EDNRB: variants seen among roughly 807,000 people sequenced by gnomAD.
EDNRB encodes Hirschsprung disease 2.
A neutral mutation model predicts 46.4 loss-of-function variants in EDNRB; 18 were observed. That is an observed-to-expected ratio of 0.39 (90% confidence interval 0.27 to 0.57). EDNRB has a LOEUF of 0.57. Among genes scored for constraint, EDNRB ranks in the 20% least tolerant of loss-of-function variants. The pLI is 0.61. For missense variants in EDNRB, 434 were observed against 537.5 expected, an observed-to-expected ratio of 0.81 and a Z score of 1.90; for synonymous variants, 213 against 204.9, an observed-to-expected ratio of 1.04 and a Z score of -0.34.
At chr13:77,902,841 C>T (rs144940534) in intron 3 of EDNRB, among the ~76,000 whole-genome samples, 159 of 152,064 alleles carry the variant, frequency 1.0e-3, no homozygotes, top group African/African-American at 3.4e-3. Flanking sequence ...GTGCTATTTT[C>T]ACTTTGTGGC....
chr13:77,972,282 A>G (rs902101146), intron 1 of EDNRB, among the ~76,000 whole-genome samples: 1 of 152,242 alleles, frequency 6.6e-6, no homozygotes, highest in Non-Finnish European at 1.5e-5. Flanking sequence ...CATGTGCACA[A>G]GCATAACAAT....
In EDNRB at chr13:77,918,085, C is replaced by T; in HGVS notation, c.483+6G>A. The T allele has an allele frequency of 6.2e-7, 1 of 1,614,082 alleles. No homozygotes were observed. The highest frequency in any genetic ancestry group is 1.3e-5 in the African/African-American group (1 of 75,038). The stretch of plus-strand genomic sequence containing the variant: ...GCCCACCATGATTTCAGCAGGCGCC[C>T]TTTACCTTGTAGACATTGATAGGGA... On this transcript the variant is annotated splice_donor_region_variant and intron_variant, in intron 1 of 6. Transcript: ENST00000646607. The surrounding 1 kb of genome is among the most constrained non-coding windows in gnomAD (Gnocchi z 4.5).
Position 77,903,534 on chromosome 13 carries a change from C to T in EDNRB, c.557G>A (p.Gly186Glu). 6.2e-7 allele frequency: 1 copy of T among 1,612,930 alleles called. No individual in the cohort carries two copies. Among genetic ancestry groups the T allele is most frequent in the Non-Finnish European group, 8.5e-7 (1 of 1,179,312 alleles). Residue 186 changes from glycine (G) to glutamate (E), a missense_variant, in exon 2 of 7, where the codon GGA (glycine) becomes GAA (glutamate). Coordinates refer to ENST00000646607, the MANE Select transcript of EDNRB (RefSeq NM_001122659.3). ...AGCACATAGACTCAGCACAGTGATTCCCACAGAGGCTTTCTGTATGAAAGG... is the reference window on the plus strand; with the variant it reads ...AGCACATAGACTCAGCACAGTGATTTCCACAGAGGCTTTCTGTATGAAAGG... ...LVPFIQKASV[G>E]ITVLSLCALS...
intron 1 of EDNRB, among the ~76,000 whole-genome samples, chr13:77,964,023 T>C (rs145543132): frequency 0.015 from 2,238 of 152,210 alleles, 46 homozygotes; most frequent in East Asian, 0.024. Context: ...TGAAAAAATG[T>C]GCCTCATCAC....
intron 1 of EDNRB, among the ~76,000 whole-genome samples, chr13:77,973,227 G>A (rs1382872057): frequency 2.0e-5 from 3 of 152,094 alleles, no homozygotes; most frequent in Non-Finnish European, 2.9e-5. Flanking sequence ...ATCAAAGAAA[G>A]CCAAATACCA....
intron 1 of EDNRB, among the ~76,000 whole-genome samples, chr13:77,937,762 G>C (rs1880610865): frequency 6.6e-6 from 1 of 152,090 alleles, no homozygotes; most frequent in Non-Finnish European, 1.5e-5. Flanking sequence ...CTGGCGATGA[G>C]GGGAGAGGTC....
Position 77,908,986 on chromosome 13 carries a change from G to A in EDNRB, c.484-5379C>T, listed in dbSNP as rs956398148. ...TCATCTAACTGAATAGCTGTTGTTA[G>A]TGTTAAGTCCTGCTGGCAATATGGT... On this transcript the variant is annotated intron_variant, in intron 1 of 6. Transcript: ENST00000646607. Among the ~76,000 whole-genome samples the A allele has an allele frequency of 7.2e-5, 11 of 152,060 alleles. No homozygotes were observed. In the East Asian group the frequency reaches 2.1e-3, roughly 30 times the overall value.
upstream of EDNRB, among the ~76,000 whole-genome samples, chr13:77,923,658 A>G (rs1363875183): frequency 6.6e-6 from 1 of 152,042 alleles, no homozygotes; most frequent in Non-Finnish European, 1.5e-5. Flanking sequence ...CCTTGTTTCC[A>G]TTCTTTTGAT....
rs1179167290 is a variant in EDNRB, at chr13:77,899,946, A to G, written c.1107T>C (p.Tyr369=). 6.2e-7 allele frequency: 1 copy of G among 1,611,864 alleles called. No homozygotes were observed. The highest frequency in any genetic ancestry group is 1.3e-5 in the African/African-American group (1 of 74,910). ...TCAGTGAAGCCATGTTGATACCAAT[A>G]TAGTCCAATACCAACAGAAAGCTGC... ...ELLSFLLVLD[Y]IGINMASLNS... is the part of the protein sequence containing the mutation. Residue 369 remains tyrosine, a synonymous_variant, in exon 6 of 7, where the codon TAT becomes TAC. Coordinates refer to ENST00000646607, the MANE Select transcript of EDNRB (RefSeq NM_001122659.3).
At chr13:77,946,398 A>G (rs1880917806) in intron 1 of EDNRB, among the ~76,000 whole-genome samples, 1 of 152,216 alleles carries the variant, frequency 6.6e-6, no homozygotes, top group Admixed American at 6.5e-5. Context: ...ATTACTTTCA[A>G]TGGTTTAGAA....
chr13:77,959,011 G>A (rs61963150), intron 1 of EDNRB, among the ~76,000 whole-genome samples: 12,542 of 152,292 alleles, frequency 0.082, 712 homozygotes, highest in Non-Finnish European at 0.12. Context: ...TTGTGGAGAT[G>A]ACAAGGAGGG....
At chr13:77,945,044 C>T (rs575462581) in intron 1 of EDNRB, among the ~76,000 whole-genome samples, 1 of 152,076 alleles carries the variant, frequency 6.6e-6, no homozygotes, top group South Asian at 2.1e-4. Context: ...GTGTAAATAC[C>T]TTAGAGTTAC....
chr13:77,914,690 C>T (rs1053475815), intron 1 of EDNRB, among the ~76,000 whole-genome samples: 1 of 152,196 alleles, frequency 6.6e-6, no homozygotes, highest in Non-Finnish European at 1.5e-5. Flanking sequence ...ATGATTCTTC[C>T]TAAAAGTTTC....
At chr13:77,925,198 G>T (rs1398298432) in intron 1 of EDNRB, among the ~76,000 whole-genome samples, 2 of 152,110 alleles carry the variant, frequency 1.3e-5, no homozygotes, top group African/African-American at 2.4e-5. Context: ...TGTCCTCAAG[G>T]TTCATCAATG....
At chr13:77,947,554 A>G (rs189073156) in intron 1 of EDNRB, 4 of 152,158 alleles carry the variant, frequency 2.6e-5, no homozygotes, top group Non-Finnish European at 4.4e-5. Context: ...CAATCCCACT[A>G]CCGATCAAGA....
rs933403751 is a variant in EDNRB, at chr13:77,934,685, G to C, written c.-51-16061C>G. 2.2e-4 allele frequency among the ~76,000 whole-genome samples: 33 copies of C among 150,862 alleles called. 1 individual carries two copies. Among genetic ancestry groups the C allele is most frequent in the African/African-American group, 6.8e-4 (28 of 41,108 alleles). On this transcript the variant is annotated intron_variant, in intron 1 of 7. Coordinates refer to the EDNRB transcript ENST00000646948. ...TGAGCTTGATGTGTAGGAAAGGGGGGGGGGGGCCTGAATAGTCCCTGAGGA... is the reference window on the plus strand; with the variant it reads ...TGAGCTTGATGTGTAGGAAAGGGGGCGGGGGGCCTGAATAGTCCCTGAGGA...
intron 1 of EDNRB, among the ~76,000 whole-genome samples, chr13:77,909,958 C>T (rs374154147): frequency 6.6e-6 from 1 of 151,958 alleles, no homozygotes; most frequent in Non-Finnish European, 1.5e-5. Context: ...GAGTTCTGCT[C>T]TTCCATGCAG....
intron 6 of EDNRB, 146 bp downstream of exon 6, chr13:77,899,713 G>C (rs910220651): frequency 1.5e-6 from 1 of 666,654 alleles, no homozygotes; most frequent in African/African-American, 1.8e-5. Flanking sequence ...AGCAAAAGTT[G>C]TATTTAAAAA....
At chr13:77,954,565 G>A (rs1881180973) in intron 1 of EDNRB, among the ~76,000 whole-genome samples, 2 of 151,742 alleles carry the variant, frequency 1.3e-5, no homozygotes, top group African/African-American at 4.8e-5. Context: ...AGGCTGGAGT[G>A]TAGTGGCACG....
Sources: gnomAD v4.1 joint callset for allele counts (sites outside exome capture counted in the v4.1 genomes callset) on GRCh38, gnomAD v4.1.1 for gene constraint, Gnocchi (gnomAD v3.1) non-coding constraint, MANE v1.5 for transcripts, NCBI Gene and HGNC (gene_info 2026-07-23, HGNC 2026-07-21) for gene names.